The following TNFRSF10C variants were observed in gnomAD, a reference collection of about 807,000 sequenced individuals.
The protein encoded by TNFRSF10C is tumor necrosis factor receptor superfamily member 10C.
A neutral mutation model predicts 16.7 loss-of-function variants in TNFRSF10C; 17 were observed. The observed-to-expected ratio is 1.02, with a 90% CI of 0.70 to 1.53. TNFRSF10C has a LOEUF of 1.53. Among genes scored for constraint, TNFRSF10C ranks in the 40% most tolerant of loss-of-function variants. The pLI, the probability that TNFRSF10C is intolerant of heterozygous loss-of-function variation, is 0.00. For synonymous variants in TNFRSF10C, 73 were observed against 119.7 expected, an observed-to-expected ratio of 0.61 and a Z score of 2.55; for missense variants, 237 against 329.7, an observed-to-expected ratio of 0.72 and a Z score of 2.18.
In TNFRSF10C at chr8:23,115,262, A is replaced by G. The variant is rs573278144; in HGVS notation, c.281-246A>G. The stretch of plus-strand genomic sequence containing the variant: ...CCTTGCTACTGACCATGCCATCTAA[A>G]CAATGCTTTTCCCCTAATCTGATGT... On this transcript the variant is annotated intron_variant, in intron 3 of 4. Transcript: ENST00000356864. Among the ~76,000 whole-genome samples the G allele has an allele frequency of 4.9e-4, 75 of 152,142 alleles. 1 individual carries two copies. Among genetic ancestry groups the G allele is most frequent in the Non-Finnish European group, 9.1e-4 (62 of 68,040 alleles).
At chr8:23,108,123 A>T (rs941758734) in intron 1 of TNFRSF10C, among the ~76,000 whole-genome samples, 1 of 152,192 alleles carries the variant, frequency 6.6e-6, no homozygotes, top group African/African-American at 2.4e-5. Flanking sequence ...CAAGTTTCAG[A>T]GCAGGAGTGA....
intron 1 of TNFRSF10C, among the ~76,000 whole-genome samples, 160 bp from the exon 2 acceptor site, chr8:23,111,560 A>G (rs933466489): frequency 6.6e-6 from 1 of 152,006 alleles, no homozygotes; most frequent in African/African-American, 2.4e-5. Flanking sequence ...CTAACAGGCC[A>G]AGGGACAAAC....
chr8:23,107,778 A>T (rs1393896873), intron 1 of TNFRSF10C, among the ~76,000 whole-genome samples: 1 of 152,242 alleles, frequency 6.6e-6, no homozygotes, highest in African/African-American at 2.4e-5. Flanking sequence ...TCCACTGAGC[A>T]CTACAGTTCA....
intron 2 of TNFRSF10C, among the ~76,000 whole-genome samples, chr8:23,112,908 T>C (rs1440590541): frequency 6.6e-6 from 1 of 151,692 alleles, no homozygotes; most frequent in Non-Finnish European, 1.5e-5. Flanking sequence ...TTTTCCATAA[T>C]GGCTGTACTA....
At chr8:23,107,413 C>T (rs74766964) in intron 1 of TNFRSF10C, among the ~76,000 whole-genome samples, 5,069 of 152,240 alleles carry the variant, frequency 0.033, 102 homozygotes, top group South Asian at 0.074. Flanking sequence ...ATTTTCTTAT[C>T]GTGGTGGTAG....
chr8:23,103,436 C>G, intron 1 of TNFRSF10C: 1 of 635,042 alleles, frequency 1.6e-6, no homozygotes, highest in Non-Finnish European at 2.7e-6. Context: ...GTTCCAGAAT[C>G]GAGAGAGGGA....
intron 2 of TNFRSF10C, among the ~76,000 whole-genome samples, chr8:23,112,751 C>G (rs990046100): frequency 1.3e-5 from 2 of 152,196 alleles, no homozygotes; most frequent in South Asian, 2.1e-4. Context: ...CATGTCTTGA[C>G]CATTGTAAAT....
intron 1 of TNFRSF10C, among the ~76,000 whole-genome samples, 199 bp from the exon 2 acceptor site, chr8:23,111,517 ATTTT>A: frequency 6.8e-6 from 1 of 147,994 alleles, no homozygotes. Flanking sequence ...GCTTGCCTGT[ATTTT>A]TTTTTTTTTT....
At position 23,115,734 on chromosome 8, in the gene TNFRSF10C, G is replaced by A. The variant is rs570241629; in HGVS notation, c.389+118G>A. ...GCCTCCAGACCCATGGGGTGTCCCT[G>A]AGCCTGTGGGGTCTCTTGGGTCTGC... On this transcript the variant is annotated intron_variant, in intron 4 of 4. Coordinates refer to ENST00000356864, the MANE Select transcript of TNFRSF10C (RefSeq NM_003841.5). 130 of 727,768 alleles carry A rather than the reference G, an allele frequency of 1.8e-4. No individual in the cohort carries two copies. In the African/African-American group the frequency reaches 2.0e-3, roughly 11 times the overall value. The allele number at this position is 727,768 out of a possible 1,614,324, so 45.1% of individuals were successfully genotyped here.
chr8:23,110,941 C>A lies in TNFRSF10C; in HGVS notation c.61-779C>A, dbSNP rs1813868577. ...CATATGTGTGTGGTTTTTTAAAATT[C>A]TTATAAAATCTTTTCTTTCCAACCA... On this transcript the variant is annotated intron_variant, in intron 1 of 4. Transcript: ENST00000356864. 2.6e-5 allele frequency among the ~76,000 whole-genome samples: 4 copies of A among 151,978 alleles called. 1 individual carries two copies. In the South Asian group the frequency reaches 6.2e-4, roughly 24 times the overall value.
chr8:23,107,536 G>A (rs1242269842), intron 1 of TNFRSF10C, among the ~76,000 whole-genome samples: 4 of 152,146 alleles, frequency 2.6e-5, no homozygotes, highest in Non-Finnish European at 4.4e-5. Flanking sequence ...ACCTTCAATA[G>A]AATGTAAACA....
chr8:23,111,219 CT>C (rs56964129), intron 1 of TNFRSF10C, among the ~76,000 whole-genome samples: 152 of 146,210 alleles, frequency 1.0e-3, no homozygotes, highest in Middle Eastern at 3.5e-3. Flanking sequence ...TTCATTTTTT[CT>C]TTTTTTTTTT....
intron 2 of TNFRSF10C, 67 bp from the exon 3 acceptor site, chr8:23,114,590 C>A: frequency 7.4e-7 from 1 of 1,344,828 alleles, no homozygotes; most frequent in Non-Finnish European, 1.1e-6. Context: ...AAAGAAGTTT[C>A]CCCACCACTG....
At chr8:23,109,433 C>G (rs186450845) in intron 1 of TNFRSF10C, among the ~76,000 whole-genome samples, 1 of 151,958 alleles carries the variant, frequency 6.6e-6, no homozygotes, top group Admixed American at 6.5e-5. Flanking sequence ...GTCAGAAAAT[C>G]GAGACCATCC....
Position 23,117,119 on chromosome 8 carries a change from C to T in TNFRSF10C, c.*88C>T. 1 of 1,541,704 alleles carries T rather than the reference C, an allele frequency of 6.5e-7. No individual in the cohort carries two copies. The highest frequency in any genetic ancestry group is 8.7e-7 in the Non-Finnish European group (1 of 1,146,058). ...GGCGGGGGGCGCTGGACACTCTCTG[C>T]CCTGCCTCCCTCTGCTGTGTTCCCA... is the stretch of plus-strand genomic sequence containing the variant. On this transcript the variant is annotated 3_prime_UTR_variant, in exon 5 of 5. Transcript: ENST00000356864.
chr8:23,104,545 C>A (rs896311404), intron 1 of TNFRSF10C, among the ~76,000 whole-genome samples: 3 of 152,198 alleles, frequency 2.0e-5, no homozygotes, highest in African/African-American at 7.2e-5. Context: ...GCTTATTGGG[C>A]AACTCCTTAC....
chr8:23,116,239 G>A (rs957498075), intron 4 of TNFRSF10C, among the ~76,000 whole-genome samples: 32 of 152,224 alleles, frequency 2.1e-4, no homozygotes, highest in African/African-American at 2.4e-5. Context: ...AATGTTTGCC[G>A]TGATAGGGAG....
chr8:23,103,299 G>T, intron 1 of TNFRSF10C, 118 bp downstream of exon 1: 1 of 1,512,528 alleles, frequency 6.6e-7, no homozygotes, highest in Middle Eastern at 1.7e-4. Flanking sequence ...GGGCATGTCC[G>T]GGCAGGACGA....
chr8:23,106,133 C>T (rs1021138720), intron 1 of TNFRSF10C, among the ~76,000 whole-genome samples: 2 of 152,150 alleles, frequency 1.3e-5, no homozygotes, highest in South Asian at 2.1e-4. Flanking sequence ...GCCTGGAGTC[C>T]GCCGGAGTTT....
Sources: gnomAD v4.1 joint callset for allele counts (sites outside exome capture counted in the v4.1 genomes callset) on GRCh38, gnomAD v4.1.1 for gene constraint, MANE v1.5 for transcripts, NCBI Gene and HGNC (gene_info 2026-07-23, HGNC 2026-07-21) for gene names.